SMARCC1: variants seen among roughly 807,000 people sequenced by gnomAD.
The protein encoded by SMARCC1 is SWI/SNF complex subunit SMARCC1.
In SMARCC1, 43 loss-of-function variants were observed where a neutral mutation model predicts 147.4. The observed-to-expected ratio is 0.29, with a 90% CI of 0.23 to 0.38. SMARCC1 has a LOEUF of 0.38. Ranked by LOEUF, SMARCC1 falls within the 10% of genes least tolerant of loss-of-function variation. The pLI, the probability that SMARCC1 is intolerant of heterozygous loss-of-function variation, is 1.00. For synonymous variants in SMARCC1, 495 were observed against 484.4 expected (o/e 1.02, Z -0.29); for missense variants, 1,119 against 1,381.1 (o/e 0.81, Z 3.01).
chr3:47,599,307 C>T (rs1001286807), intron 26 of SMARCC1, among the ~76,000 whole-genome samples: 6 of 151,756 alleles, frequency 4.0e-5, no homozygotes, highest in Admixed American at 2.6e-4. Context: ...CACTTGAACC[C>T]GGGAGGTAGA....
intron 21 of SMARCC1, among the ~76,000 whole-genome samples, chr3:47,639,998 T>G (rs1055209241): frequency 3.9e-5 from 6 of 152,040 alleles, no homozygotes; most frequent in African/African-American, 1.4e-4. Context: ...CTCAACAAAT[T>G]TCAAATAACC....
At chr3:47,770,844 T>C (rs2034904414) in intron 2 of SMARCC1, among the ~76,000 whole-genome samples, 1 of 152,148 alleles carries the variant, frequency 6.6e-6, no homozygotes. Context: ...TTTTGGATAA[T>C]AAAAACATCA....
chr3:47,679,861 CAAA>C (rs35582823), intron 15 of SMARCC1, among the ~76,000 whole-genome samples: 303 of 78,498 alleles, frequency 3.9e-3, no homozygotes, highest in Non-Finnish European at 5.5e-3. Context: ...GACTCCATCT[CAAA>C]AAAAAAAAAA....
At chr3:47,696,247 G>A (rs746453375) in intron 11 of SMARCC1, among the ~76,000 whole-genome samples, 8 of 150,444 alleles carry the variant, frequency 5.3e-5, no homozygotes, top group Non-Finnish European at 1.0e-4. Flanking sequence ...GGTGGCGGGC[G>A]CCTATAATCT....
At chr3:47,638,896 C>T in intron 21 of SMARCC1, 116 bp from the exon 22 acceptor site, 3 of 730,894 alleles carry the variant, frequency 4.1e-6, no homozygotes, top group East Asian at 5.0e-5. Flanking sequence ...TAACGAATAT[C>T]ATAGCCATAC....
At position 47,634,298 on chromosome 3, in the gene SMARCC1, C is replaced by T. The variant is rs140238606; in HGVS notation, c.2646+892G>A. ...CTGCGGCCTGTAAACACCTCCCTAACCTCCATTGTCTCTATCTATGTCAGA... is the reference window on the plus strand; with the variant it reads ...CTGCGGCCTGTAAACACCTCCCTAATCTCCATTGTCTCTATCTATGTCAGA... On this transcript the variant is annotated intron_variant, in intron 24 of 27. Coordinates refer to ENST00000254480, the MANE Select transcript of SMARCC1 (RefSeq NM_003074.4). Among the ~76,000 whole-genome samples the T allele has an allele frequency of 7.1e-4, 108 of 152,286 alleles. 1 individual carries two copies. The East Asian group carries it at 0.019, about 27-fold the overall frequency.
intron 24 of SMARCC1, among the ~76,000 whole-genome samples, chr3:47,633,111 T>C (rs2032914684): frequency 6.6e-6 from 1 of 152,116 alleles, no homozygotes; most frequent in Admixed American, 6.5e-5. Flanking sequence ...GCTTGTGACA[T>C]AGGTGGGCCC....
chr3:47,711,001 G>A (rs1278391130), intron 8 of SMARCC1, among the ~76,000 whole-genome samples, 193 bp from the exon 9 acceptor site: 1 of 152,132 alleles, frequency 6.6e-6, no homozygotes, highest in Non-Finnish European at 1.5e-5. Context: ...AAGAGAACAA[G>A]AAAGCATCAA....
rs567373572 is a variant in SMARCC1, at chr3:47,651,141, T to TA, written c.2320+10152dup. ...GCAACATGGCGAAACCCTGCCTCTA[T>TA]AAAAAACACACAAAAATCAAGGTGT... is the stretch of plus-strand genomic sequence containing the variant. On this transcript the variant is annotated intron_variant, in intron 21 of 27. Transcript: ENST00000254480. Among the ~76,000 whole-genome samples, 25 of 151,988 alleles carry TA rather than the reference T, an allele frequency of 1.6e-4. No individual in the cohort carries two copies. The South Asian group carries it at 4.6e-3, about 28-fold the overall frequency.
intron 11 of SMARCC1, among the ~76,000 whole-genome samples, chr3:47,694,722 T>A (rs2033827743): frequency 6.6e-6 from 1 of 152,202 alleles, no homozygotes; most frequent in Non-Finnish European, 1.5e-5. Flanking sequence ...CCATCTACCT[T>A]TTAGGTTTTG....
chr3:47,670,812 G>A (rs887007629), intron 18 of SMARCC1, 95 bp from the exon 19 acceptor site: 13 of 787,256 alleles, frequency 1.7e-5, no homozygotes, highest in African/African-American at 1.4e-4. Flanking sequence ...ACTGTGTTAC[G>A]CAAACTATCA....
intron 8 of SMARCC1, 72 bp from the exon 9 acceptor site, chr3:47,710,880 G>A (rs1011939245): frequency 1.1e-5 from 14 of 1,248,068 alleles, no homozygotes; most frequent in African/African-American, 1.5e-5. Flanking sequence ...TATTGAGAAG[G>A]AAACAAGCTG....
chr3:47,738,682 C>CAA (rs756718637), intron 3 of SMARCC1, among the ~76,000 whole-genome samples: 5 of 128,368 alleles, frequency 3.9e-5, no homozygotes, highest in Non-Finnish European at 8.4e-5. Context: ...GACTCCGTCT[C>CAA]AAAAAAAAAA....
chr3:47,687,272 G>A (rs2033737159), intron 13 of SMARCC1, among the ~76,000 whole-genome samples: 1 of 152,094 alleles, frequency 6.6e-6, no homozygotes, highest in African/African-American at 2.4e-5. Context: ...AATCACAGAA[G>A]CTAGCAAAAA....
intron 7 of SMARCC1, among the ~76,000 whole-genome samples, chr3:47,719,986 C>T (rs990592422): frequency 1.3e-5 from 2 of 151,586 alleles, no homozygotes; most frequent in African/African-American, 2.4e-5. Flanking sequence ...ATCCACCCAC[C>T]TTGGCCTCTC....
intron 27 of SMARCC1, among the ~76,000 whole-genome samples, chr3:47,590,049 C>T (rs201755530): frequency 1.2e-4 from 19 of 152,256 alleles, no homozygotes; most frequent in East Asian, 9.7e-4. Flanking sequence ...AGGCTGAAGC[C>T]GAGCAAGAGC....
At chr3:47,718,174 G>C (rs1016246400) in intron 7 of SMARCC1, among the ~76,000 whole-genome samples, 1 of 147,974 alleles carries the variant, frequency 6.8e-6, no homozygotes, top group African/African-American at 2.5e-5. Context: ...GCCAGGCACG[G>C]TGGCTCACAC....
intron 26 of SMARCC1, among the ~76,000 whole-genome samples, chr3:47,595,526 T>C (rs1011997094): frequency 4.8e-5 from 5 of 105,086 alleles, no homozygotes; most frequent in Admixed American, 1.2e-4. Context: ...AAATTCCGTC[T>C]CAAAATAAAT....
chr3:47,652,623 CAAAA>C (rs11377736), intron 21 of SMARCC1, among the ~76,000 whole-genome samples: 1 of 134,954 alleles, frequency 7.4e-6, no homozygotes, highest in Non-Finnish European at 1.6e-5. Flanking sequence ...CTTGCTTTTG[CAAAA>C]AAAAAAAAAA....
Sources: allele counts gnomAD v4.1 joint callset (sites outside exome capture counted in the v4.1 genomes callset), GRCh38; gene constraint gnomAD v4.1.1; transcripts MANE v1.5; gene names NCBI Gene and HGNC (gene_info 2026-07-23, HGNC 2026-07-21).